LAMA2: variants seen among roughly 807,000 people sequenced by gnomAD.
LAMA2 encodes the protein laminin subunit alpha-2.
Under a neutral mutation model 364.8 loss-of-function variants are expected in LAMA2, and 269 were observed. That is an observed-to-expected ratio of 0.74 (90% CI 0.67 to 0.82). The LOEUF (loss-of-function observed/expected upper bound fraction) is 0.82, where lower values mean the gene tolerates loss of function less well. LAMA2 is among the 40% of genes least tolerant of loss of function. LAMA2 has a pLI of 0.00. For synonymous variants in LAMA2, 1,379 were observed against 1,370.6 expected (o/e 1.01, Z -0.14); for missense variants, 3,807 against 3,873.2 (o/e 0.98, Z 0.45).
intron 1 of LAMA2, among the ~76,000 whole-genome samples, chr6:128,982,934 C>T (rs1300477801): frequency 2.7e-5 from 3 of 112,298 alleles, no homozygotes; most frequent in East Asian, 4.1e-4. Context: ...CTACAAAGGA[C>T]AGGAACTCAT....
At chr6:129,161,429 A>T (rs1252162998) in intron 8 of LAMA2, among the ~76,000 whole-genome samples, 1 of 152,032 alleles carries the variant, frequency 6.6e-6, no homozygotes, top group African/African-American at 2.4e-5. Context: ...TTTTGTTCCC[A>T]TTCTTCCTTT....
At chr6:128,990,744 A>G (rs1413962897) in intron 1 of LAMA2, among the ~76,000 whole-genome samples, 1 of 151,234 alleles carries the variant, frequency 6.6e-6, no homozygotes, top group Non-Finnish European at 1.5e-5. Context: ...AATCTGAACT[A>G]CTTTCATTGT....
chr6:128,909,308 A>T (rs1287877241), intron 1 of LAMA2, among the ~76,000 whole-genome samples: 1 of 151,898 alleles, frequency 6.6e-6, no homozygotes, highest in Non-Finnish European at 1.5e-5. Context: ...TGCTTTATGA[A>T]TCTGGGTGCT....
chr6:129,111,410 A>ATT (rs1776151786), intron 4 of LAMA2, among the ~76,000 whole-genome samples: 1 of 151,898 alleles, frequency 6.6e-6, no homozygotes, highest in Admixed American at 6.6e-5. Flanking sequence ...AGAAAATTAT[A>ATT]TTTTCTTTGT....
At chr6:129,419,320 A>G (rs574773256) in intron 40 of LAMA2, among the ~76,000 whole-genome samples, 4 of 152,068 alleles carry the variant, frequency 2.6e-5, no homozygotes, top group Non-Finnish European at 5.9e-5. Context: ...TATGATTTCT[A>G]CCCGTAGGTA....
chr6:128,972,530 A>G lies in LAMA2; in HGVS notation c.113-77388A>G, dbSNP rs1445687374. Among the ~76,000 whole-genome samples the G allele has an allele frequency of 7.2e-5, 11 of 152,338 alleles. No homozygotes were observed. The East Asian group carries it at 2.1e-3, about 29-fold the overall frequency. On this transcript the variant is annotated intron_variant, in intron 1 of 64. Transcript: ENST00000421865. ...GATAGACATTACTTCCTTCTGGATG[A>G]GCAAAACCTTGATGCTTTCAGTAGA...
At chr6:129,024,909 T>C (rs1014034930) in intron 1 of LAMA2, among the ~76,000 whole-genome samples, 4 of 152,000 alleles carry the variant, frequency 2.6e-5, no homozygotes, top group Non-Finnish European at 4.4e-5. Context: ...TGATTATGCC[T>C]ATGAATAGCC....
intron 1 of LAMA2, among the ~76,000 whole-genome samples, chr6:128,955,362 G>A (rs1267454499): frequency 6.6e-6 from 1 of 151,746 alleles, no homozygotes; most frequent in African/African-American, 2.4e-5. Context: ...CTTTACTGGG[G>A]CCACACAGCT....
chr6:129,082,649 G>A (rs1227631822), intron 3 of LAMA2, among the ~76,000 whole-genome samples: 2 of 151,950 alleles, frequency 1.3e-5, no homozygotes, highest in Non-Finnish European at 2.9e-5. Context: ...TTGTTTTCCT[G>A]AGAAAAATCT....
At chr6:129,104,115 C>A (rs1260091758) in intron 4 of LAMA2, among the ~76,000 whole-genome samples, 1 of 152,064 alleles carries the variant, frequency 6.6e-6, no homozygotes, top group African/African-American at 2.4e-5. Context: ...GGCTCAAACT[C>A]CTAGGCTCAA....
chr6:129,352,512 C>G (rs1309972570), intron 31 of LAMA2, among the ~76,000 whole-genome samples: 2 of 152,156 alleles, frequency 1.3e-5, no homozygotes, highest in Non-Finnish European at 2.9e-5. Context: ...TCTGAGTAGC[C>G]TATTGCCACT....
chr6:129,491,993 G>T lies in LAMA2; in HGVS notation c.7991G>T (p.Gly2664Val). The T allele has an allele frequency of 1.2e-6, 2 of 1,613,992 alleles. No individual in the cohort carries two copies. The highest frequency in any genetic ancestry group is 2.2e-5 in the South Asian group (2 of 91,076). The part of the protein sequence containing the change: ...PIEVKKLFVG[G>V]APPEFQPSPL... Reference sequence around the variant, plus strand: ...GAAGTTAAAAAGCTTTTCGTTGGGGGTGCTCCACCTGAATTTCAACCTTCC... The same window carrying T: ...GAAGTTAAAAAGCTTTTCGTTGGGGTTGCTCCACCTGAATTTCAACCTTCC... Residue 2664 changes from glycine (G) to valine (V), a missense_variant, in exon 57 of 65, where the codon GGT becomes GTT. By Grantham distance (109) the Gly-to-Val change is moderately radical. Coordinates refer to ENST00000421865, the MANE Select transcript of LAMA2 (RefSeq NM_000426.4).
chr6:129,154,077 A>G (rs910016418), intron 7 of LAMA2, among the ~76,000 whole-genome samples: 11 of 152,074 alleles, frequency 7.2e-5, no homozygotes, highest in African/African-American at 2.7e-4. Context: ...TACTTTCTGG[A>G]TATGTTTGTG....
intron 20 of LAMA2, among the ~76,000 whole-genome samples, chr6:129,292,019 T>C (rs2114433539): frequency 6.6e-6 from 1 of 152,360 alleles, no homozygotes. Context: ...GGAGATACTC[T>C]TTCCTTTGCC....
At chr6:129,017,358 T>C (rs1785144136) in intron 1 of LAMA2, among the ~76,000 whole-genome samples, 1 of 152,022 alleles carries the variant, frequency 6.6e-6, no homozygotes, top group South Asian at 2.1e-4. Flanking sequence ...ATGTTATTCA[T>C]GAGAGTATAT....
At chr6:128,907,055 G>T (rs1323422115) in intron 1 of LAMA2, among the ~76,000 whole-genome samples, 7 of 148,498 alleles carry the variant, frequency 4.7e-5, no homozygotes. Context: ...AGTATAGTTT[G>T]AAGTCAGGTA....
At chr6:128,987,357 G>A (rs995918123) in intron 1 of LAMA2, among the ~76,000 whole-genome samples, 6 of 151,812 alleles carry the variant, frequency 4.0e-5, no homozygotes, top group African/African-American at 1.5e-4. Flanking sequence ...TGGCGAGGCT[G>A]GTCTCAAAGT....
chr6:129,206,099 AG>A (rs1319454413), intron 12 of LAMA2, among the ~76,000 whole-genome samples: 2 of 95,274 alleles, frequency 2.1e-5, no homozygotes, highest in African/African-American at 1.2e-4. Flanking sequence ...GAAGGGAGGG[AG>A]GGAGGGAGGA....
At chr6:129,428,299 C>T (rs978176047) in intron 41 of LAMA2, among the ~76,000 whole-genome samples, 1 of 152,006 alleles carries the variant, frequency 6.6e-6, no homozygotes, top group African/African-American at 2.4e-5. Context: ...TCAGGTGTAG[C>T]AGCGTGAGCA....
Sources: gnomAD v4.1 joint callset for allele counts (sites outside exome capture counted in the v4.1 genomes callset) on GRCh38, gnomAD v4.1.1 for gene constraint, MANE v1.5 for transcripts, NCBI Gene and HGNC (gene_info 2026-07-23, HGNC 2026-07-21) for gene names.